Variants in GRID2 observed in about 807,000 individuals in gnomAD.
GRID2 encodes the protein glutamate receptor ionotropic, delta-2.
GRID2 carries 33 observed loss-of-function variants against 114.8 expected under a neutral mutation model. That is an observed-to-expected ratio of 0.29 (90% CI 0.22 to 0.38). GRID2 has a LOEUF of 0.38. Among genes scored for constraint, GRID2 ranks in the 10% least tolerant of loss-of-function variants. The pLI is 1.00. For synonymous variants in GRID2, 505 were observed against 449.9 expected (o/e 1.12, Z -1.55); for missense variants, 1,184 against 1,257.7 (o/e 0.94, Z 0.89).
At chr4:92,382,282 A>G (rs1729655945) in intron 1 of GRID2, among the ~76,000 whole-genome samples, 1 of 152,030 alleles carries the variant, frequency 6.6e-6, no homozygotes. Context: ...TGGCAACAGC[A>G]TAGCACCCAT....
intron 2 of GRID2, among the ~76,000 whole-genome samples, chr4:92,843,871 C>T (rs1349960253): frequency 3.9e-5 from 6 of 151,974 alleles, no homozygotes; most frequent in South Asian, 2.1e-4. Flanking sequence ...AATTAAAATC[C>T]GTAGGTCTAC....
At chr4:93,248,540 C>T (rs1173489853) in intron 8 of GRID2, among the ~76,000 whole-genome samples, 1 of 152,106 alleles carries the variant, frequency 6.6e-6, no homozygotes, top group Non-Finnish European at 1.5e-5. Context: ...TCTGCTTTCT[C>T]TGCTCTCTAA....
In GRID2 at chr4:93,250,846, G is replaced by T. The variant is rs557229955; in HGVS notation, c.1245+12356G>T. The stretch of plus-strand genomic sequence containing the variant: ...TGCCAAAACCAGAAACATTCTGTTT[G>T]AAAACTGGCCTTCATTTTAAAAAGT... On this transcript the variant is annotated intron_variant, in intron 8 of 15. Coordinates refer to ENST00000282020, the MANE Select transcript of GRID2 (RefSeq NM_001510.4). 6.6e-5 allele frequency among the ~76,000 whole-genome samples: 10 copies of T among 151,210 alleles called. 1 individual carries two copies. In the South Asian group the frequency reaches 1.7e-3, roughly 25 times the overall value.
At chr4:93,335,215 A>G (rs754044648) in intron 8 of GRID2, among the ~76,000 whole-genome samples, 4 of 152,224 alleles carry the variant, frequency 2.6e-5, no homozygotes, top group African/African-American at 7.2e-5. Context: ...ACATATTTCA[A>G]TGAAAAGGAA....
At chr4:93,229,763 G>T (rs1018225210) in intron 7 of GRID2, among the ~76,000 whole-genome samples, 1 of 152,100 alleles carries the variant, frequency 6.6e-6, no homozygotes, top group Non-Finnish European at 1.5e-5. Flanking sequence ...TAAAAATAAT[G>T]TCATTGACAT....
chr4:92,667,658 G>T (rs1732855717), intron 2 of GRID2, among the ~76,000 whole-genome samples: 2 of 151,214 alleles, frequency 1.3e-5, no homozygotes. Context: ...TAGCTGGACA[G>T]TCACCCAAAC....
intron 3 of GRID2, among the ~76,000 whole-genome samples, chr4:93,086,889 G>A (rs1730369298): frequency 6.6e-6 from 1 of 151,764 alleles, no homozygotes. Flanking sequence ...TAACTTAAAT[G>A]GTATTTTCTT....
rs180683436 is a variant in GRID2, at chr4:93,605,193, C to A, written c.2194-21076C>A. ...ATGTCCAATGTGATAACCCACTAGC[C>A]CCATGTGACTAATTTAAATTTAAAT... is the stretch of plus-strand genomic sequence containing the variant. On this transcript the variant is annotated intron_variant, in intron 13 of 15. Transcript: ENST00000282020. Among the ~76,000 whole-genome samples, 145 of 151,340 alleles carry A rather than the reference C, an allele frequency of 9.6e-4. 1 individual carries two copies. The highest frequency in any genetic ancestry group is 3.4e-3 in the Middle Eastern group (1 of 294).
intron 14 of GRID2, among the ~76,000 whole-genome samples, chr4:93,741,408 G>A (rs1050572903): frequency 1.3e-5 from 2 of 151,526 alleles, no homozygotes; most frequent in African/African-American, 2.4e-5. Flanking sequence ...TTCAACAAGG[G>A]CAGAAAGATA....
chr4:92,436,021 A>G (rs1457821021), intron 1 of GRID2, among the ~76,000 whole-genome samples: 1 of 152,144 alleles, frequency 6.6e-6, no homozygotes, highest in African/African-American at 2.4e-5. Flanking sequence ...TAGCAGGCAT[A>G]TGAGACTTCA....
intron 1 of GRID2, among the ~76,000 whole-genome samples, chr4:92,568,576 T>C (rs1057496003): frequency 3.9e-5 from 6 of 152,180 alleles, no homozygotes; most frequent in African/African-American, 1.4e-4. Flanking sequence ...ATGTATTTTT[T>C]CAGTTTTATT....
intron 13 of GRID2, among the ~76,000 whole-genome samples, chr4:93,578,219 ACATCCACTTAGAGAG>A (rs954407529): frequency 2.6e-5 from 4 of 152,200 alleles, no homozygotes; most frequent in African/African-American, 7.2e-5. Flanking sequence ...GATTGCGCTT[ACATCCACTTAGAGAG>A]CATTCCCAAT....
intron 1 of GRID2, among the ~76,000 whole-genome samples, chr4:93,783,246 T>G (rs1162404935): frequency 6.6e-6 from 1 of 152,178 alleles, no homozygotes; most frequent in Non-Finnish European, 1.5e-5. Flanking sequence ...ACCCTGTAAG[T>G]TTGCTATTGT....
intron 2 of GRID2, among the ~76,000 whole-genome samples, chr4:92,962,344 T>C (rs575028942): frequency 6.6e-6 from 1 of 152,030 alleles, no homozygotes; most frequent in African/African-American, 2.4e-5. Context: ...GGTCCTATGA[T>C]TGAGACTCGG....
chr4:93,790,724 G>C, intron 1 of GRID2, among the ~76,000 whole-genome samples: 1 of 152,112 alleles, frequency 6.6e-6, no homozygotes, highest in South Asian at 2.1e-4. Flanking sequence ...AACATACAAT[G>C]TTAAATGTTT....
At chr4:92,765,017 A>C (rs183102855) in intron 2 of GRID2, among the ~76,000 whole-genome samples, 1 of 152,322 alleles carries the variant, frequency 6.6e-6, no homozygotes, top group Non-Finnish European at 1.5e-5. Flanking sequence ...AACACTTTTA[A>C]AAAATTCAAG....
intron 2 of GRID2, among the ~76,000 whole-genome samples, chr4:92,696,881 T>A (rs1734447192): frequency 6.6e-6 from 1 of 152,134 alleles, no homozygotes; most frequent in African/African-American, 2.4e-5. Context: ...AAAAAATCTT[T>A]GATTTTATTT....
chr4:92,938,062 A>G (rs1382476203), intron 2 of GRID2, among the ~76,000 whole-genome samples: 1 of 146,886 alleles, frequency 6.8e-6, no homozygotes, highest in Non-Finnish European at 1.5e-5. Flanking sequence ...AAATAATGTT[A>G]GATTTTTTTA....
At chr4:92,452,824 C>CAT (rs145753492) in intron 1 of GRID2, among the ~76,000 whole-genome samples, 24,301 of 130,586 alleles carry the variant, frequency 0.19, 2,670 homozygotes, top group African/African-American at 0.32. Flanking sequence ...ATATGTTTAC[C>CAT]ATATATATAT....
Sources: allele counts gnomAD v4.1 joint callset (sites outside exome capture counted in the v4.1 genomes callset), GRCh38; gene constraint gnomAD v4.1.1; transcripts MANE v1.5; gene names NCBI Gene and HGNC (gene_info 2026-07-23, HGNC 2026-07-21).